Variants in FNBP1L observed in about 807,000 individuals in gnomAD.
FNBP1L encodes formin binding protein 1 like, also known as formin-binding protein 1-like.
A neutral mutation model predicts 91.2 loss-of-function variants in FNBP1L; 36 were observed. That is an observed-to-expected ratio of 0.39 (90% CI 0.30 to 0.52). FNBP1L has a LOEUF of 0.52. Ranked by LOEUF, FNBP1L falls within the 20% of genes least tolerant of loss-of-function variation. The pLI is 0.66. For synonymous variants in FNBP1L, 242 were observed against 237.0 expected (o/e 1.02, Z -0.19); for missense variants, 571 against 732.1 (o/e 0.78, Z 2.54).
chr1:93,522,265 A>G (rs774744472), intron 3 of FNBP1L, 130 bp downstream of exon 3: 9 of 376,034 alleles, frequency 2.4e-5, no homozygotes, highest in Non-Finnish European at 3.5e-5. Flanking sequence ...ATTAATGTTT[A>G]TGAAAGAAGG....
At chr1:93,453,090 C>T (rs1668548036) in intron 1 of FNBP1L, among the ~76,000 whole-genome samples, 1 of 152,164 alleles carries the variant, frequency 6.6e-6, no homozygotes, top group South Asian at 2.1e-4. Flanking sequence ...TGGATATTGT[C>T]TTATGGGACT....
chr1:93,552,429 AGGAAATG>A lies in FNBP1L; in HGVS notation c.*16_*22del. ...TGCAGGTTCCTGAAGAGGGTTTCTGAGGAAATGGGCAAGATGTTGAAGGAGGTTACAT... is the reference window on the plus strand; with the variant it reads ...TGCAGGTTCCTGAAGAGGGTTTCTGAGGCAAGATGTTGAAGGAGGTTACAT... On this transcript the variant is annotated 3_prime_UTR_variant, in exon 17 of 17. Coordinates refer to ENST00000271234, the MANE Select transcript of FNBP1L (RefSeq NM_001164473.3). 1 of 1,612,436 alleles carries A rather than the reference AGGAAATG, an allele frequency of 6.2e-7. No individual in the cohort carries two copies. Among genetic ancestry groups the A allele is most frequent in the Non-Finnish European group, 8.5e-7 (1 of 1,179,270 alleles).
intron 1 of FNBP1L, among the ~76,000 whole-genome samples, chr1:93,475,041 AT>A (rs966284596): frequency 2.3e-4 from 34 of 148,818 alleles, no homozygotes; most frequent in Admixed American, 2.7e-4. Context: ...GTCATTTTGT[AT>A]TTTTTTTTTA....
intron 2 of FNBP1L, among the ~76,000 whole-genome samples, chr1:93,510,788 T>A (rs925109896): frequency 6.6e-6 from 1 of 151,700 alleles, no homozygotes; most frequent in Non-Finnish European, 1.5e-5. Flanking sequence ...AAACCAAGGC[T>A]CAAGAACTAC....
At chr1:93,478,381 A>G (rs1435918348) in intron 1 of FNBP1L, among the ~76,000 whole-genome samples, 1 of 152,164 alleles carries the variant, frequency 6.6e-6, no homozygotes, top group African/African-American at 2.4e-5. Flanking sequence ...TGAATGGGAT[A>G]AGGAGGATGA....
At chr1:93,531,016 T>G in intron 7 of FNBP1L, 133 bp downstream of exon 7, 1 of 704,988 alleles carries the variant, frequency 1.4e-6, no homozygotes, top group South Asian at 2.4e-5. Context: ...TCCTTTATGA[T>G]TATAGATTTG....
At chr1:93,470,130 TTTTC>T (rs1291100782) in intron 1 of FNBP1L, among the ~76,000 whole-genome samples, 3 of 152,204 alleles carry the variant, frequency 2.0e-5, no homozygotes, top group East Asian at 1.9e-4. Flanking sequence ...CTATGCTCTC[TTTTC>T]TTTCTTTATT....
intron 12 of FNBP1L, among the ~76,000 whole-genome samples, chr1:93,546,508 T>G (rs945537403): frequency 3.3e-5 from 5 of 152,088 alleles, no homozygotes; most frequent in Admixed American, 3.3e-4. Context: ...TGAGTTTGAT[T>G]TGGGACATGA....
At chr1:93,534,066 A>G (rs1278497959) in intron 8 of FNBP1L, among the ~76,000 whole-genome samples, 1 of 152,200 alleles carries the variant, frequency 6.6e-6, no homozygotes, top group African/African-American at 2.4e-5. Flanking sequence ...ATGTATGTCT[A>G]AAAACAATAT....
intron 1 of FNBP1L, among the ~76,000 whole-genome samples, chr1:93,458,688 C>G (rs1668756136): frequency 6.6e-6 from 1 of 152,122 alleles, no homozygotes; most frequent in Non-Finnish European, 1.5e-5. Flanking sequence ...AAAGACAGCC[C>G]ATGGAATGGA....
chr1:93,494,285 C>CT (rs1220476560), intron 1 of FNBP1L, among the ~76,000 whole-genome samples: 10 of 152,168 alleles, frequency 6.6e-5, no homozygotes, highest in African/African-American at 2.4e-4. Flanking sequence ...TTTGGAAAGA[C>CT]CCAGGGTGCA....
chr1:93,530,256 A>T (rs1482213997), intron 6 of FNBP1L, among the ~76,000 whole-genome samples: 1 of 152,158 alleles, frequency 6.6e-6, no homozygotes, highest in East Asian at 1.9e-4. Flanking sequence ...ATGTTGCATT[A>T]TTCAACAATC....
intron 2 of FNBP1L, among the ~76,000 whole-genome samples, chr1:93,518,236 A>G (rs1341427325): frequency 6.6e-6 from 1 of 152,172 alleles, no homozygotes; most frequent in Non-Finnish European, 1.5e-5. Flanking sequence ...GAGTCATTTT[A>G]TACAACAAAT....
At chr1:93,463,468 G>T (rs1464151127) in intron 1 of FNBP1L, among the ~76,000 whole-genome samples, 3 of 152,048 alleles carry the variant, frequency 2.0e-5, no homozygotes, top group Non-Finnish European at 4.4e-5. Context: ...CATAAGTTGG[G>T]GACCGTCTGT....
intron 1 of FNBP1L, among the ~76,000 whole-genome samples, chr1:93,478,203 G>C (rs1327964636): frequency 2.0e-5 from 3 of 152,178 alleles, no homozygotes; most frequent in Non-Finnish European, 4.4e-5. Flanking sequence ...CAGCATGGTT[G>C]ATGTCTTTGG....
intron 10 of FNBP1L, among the ~76,000 whole-genome samples, chr1:93,537,277 C>A (rs1478114597): frequency 6.6e-6 from 1 of 152,020 alleles, no homozygotes; most frequent in Non-Finnish European, 1.5e-5. Flanking sequence ...GGTTCATTAA[C>A]CCATAGATGA....
At chr1:93,538,366 C>T (rs528581899) in intron 10 of FNBP1L, among the ~76,000 whole-genome samples, 5 of 151,236 alleles carry the variant, frequency 3.3e-5, no homozygotes, top group South Asian at 4.2e-4. Context: ...AAGTTATTTA[C>T]GTAAGATAGC....
At chr1:93,532,356 A>G (rs886570194) in intron 7 of FNBP1L, among the ~76,000 whole-genome samples, 5 of 151,906 alleles carry the variant, frequency 3.3e-5, no homozygotes, top group Non-Finnish European at 7.4e-5. Flanking sequence ...AGTCCCAGCT[A>G]CTTGAGAGAC....
At position 93,514,970 on chromosome 1, in the gene FNBP1L, A is replaced by G. The variant is rs367773412; in HGVS notation, c.141-7112A>G. On this transcript the variant is annotated intron_variant, in intron 2 of 16. Coordinates refer to ENST00000271234, the MANE Select transcript of FNBP1L (RefSeq NM_001164473.3). The stretch of plus-strand genomic sequence containing the variant: ...GCACAGCAAAAGAAACTACCATCAG[A>G]GTGAACAGGCAACCTACAAAATGGG... 2.0e-4 allele frequency among the ~76,000 whole-genome samples: 30 copies of G among 152,358 alleles called. No individual in the cohort carries two copies. In the East Asian group the frequency reaches 5.2e-3, roughly 26 times the overall value.
Sources: allele counts gnomAD v4.1 joint callset (sites outside exome capture counted in the v4.1 genomes callset), GRCh38; gene constraint gnomAD v4.1.1; transcripts MANE v1.5; gene names NCBI Gene and HGNC (gene_info 2026-07-23, HGNC 2026-07-21).